SLC16A13: variants seen among roughly 807,000 people sequenced by gnomAD.
The protein encoded by SLC16A13 is solute carrier family 16 member 13.
SLC16A13 carries 28 observed loss-of-function variants against 28.1 expected under a neutral mutation model. The ratio of observed to expected loss-of-function variants is 1.00; its 90% CI spans 0.74 to 1.37. SLC16A13 has a LOEUF of 1.37. SLC16A13 is among the 40% of genes most tolerant of loss of function. The pLI, the probability that SLC16A13 is intolerant of heterozygous loss-of-function variation, is 0.00. For synonymous variants in SLC16A13, 228 were observed against 241.6 expected, an observed-to-expected ratio of 0.94 and a Z score of 0.52; for missense variants, 482 against 531.8, an observed-to-expected ratio of 0.91 and a Z score of 0.92.
chr17:7,040,023 G>A lies in SLC16A13; in HGVS notation c.*61G>A, dbSNP rs1008779928. ...ACAGCTCCAGGTCTTCTCTTGCCAC[G>A]TCTTGGTCTCCACAGAACCACAGTG... is the stretch of plus-strand genomic sequence containing the variant. On this transcript the variant is annotated 3_prime_UTR_variant, in exon 4 of 4. Coordinates refer to ENST00000308027, the MANE Select transcript of SLC16A13 (RefSeq NM_201566.3). The A allele has an allele frequency of 4.2e-5, 62 of 1,491,320 alleles. No homozygotes were observed. Among genetic ancestry groups the A allele is most frequent in the Middle Eastern group, 4.2e-4 (2 of 4,790 alleles). The allele number at this position is 1,491,320 out of a possible 1,614,324, so 92.4% of individuals were successfully genotyped here.
Position 7,036,386 on chromosome 17 carries a change from G to A in SLC16A13, c.4G>A (p.Ala2Thr). The A allele has an allele frequency of 6.2e-7, 1 of 1,605,002 alleles. No individual in the cohort carries two copies. The highest frequency in any genetic ancestry group is 8.5e-7 in the Non-Finnish European group (1 of 1,176,020). M[A>T]RRTEPPDGGW... ...CAGCAGCCCTGTTACCGCTTAGATGGCGCGCAGGACAGAGCCCCCCGACGG... is the reference window on the plus strand; with the variant it reads ...CAGCAGCCCTGTTACCGCTTAGATGACGCGCAGGACAGAGCCCCCCGACGG... Residue 2 changes from alanine (A) to threonine (T), a missense_variant, in exon 1 of 4, where the codon GCG becomes ACG. Coordinates refer to ENST00000308027, the MANE Select transcript of SLC16A13 (RefSeq NM_201566.3).
chr17:7,039,659 C>A lies in SLC16A13; in HGVS notation c.1082-104C>A. The A allele has an allele frequency of 1.7e-6, 2 of 1,210,292 alleles. No individual in the cohort carries two copies. The highest frequency in any genetic ancestry group is 1.4e-5 in the South Asian group (1 of 72,242). The allele number at this position is 1,210,292 out of a possible 1,614,324, so 75.0% of individuals were successfully genotyped here. A position where few individuals can be genotyped will look rare whatever the true frequency, so the allele number is the denominator to read the frequency against. On this transcript the variant is annotated intron_variant, in intron 3 of 3. Coordinates refer to ENST00000308027, the MANE Select transcript of SLC16A13 (RefSeq NM_201566.3). This position sits in a 1 kb window ranked among gnomAD's most constrained non-coding sequence, Gnocchi z 4.3. ...TCCAACTATTCCATGGGAGTTCCAA[C>A]TCCTCTGAGATGATAAGTCTTCCCT...
rs1910636863 is a variant in SLC16A13, at chr17:7,038,347, TC to T, written c.541del (p.His181ThrfsTer2). The T allele has an allele frequency of 6.2e-7, 1 of 1,613,914 alleles. No individual in the cohort carries two copies. Among genetic ancestry groups the T allele is most frequent in the African/African-American group, 1.3e-5 (1 of 74,904 alleles). On this transcript the variant is annotated frameshift_variant, in exon 3 of 4. Coordinates refer to ENST00000308027, the MANE Select transcript of SLC16A13 (RefSeq NM_201566.3). LOFTEE classifies it high-confidence loss of function. The surrounding 1 kb of genome is among the most constrained non-coding windows in gnomAD (Gnocchi z 5.7). ...CTGCTGCTGGTGTCTGCCCTCTCCC[TC>T]CACCTAGTGGCCTGTGGTGCTCTCC... ...GSLLLVSALSLHLVACGALLR... is the reference protein window; with the variant it reads ...GSLLLVSALSXHLVACGALLR...
At position 7,036,878 on chromosome 17, in the gene SLC16A13, C is replaced by G; in HGVS notation, c.343+8C>G. 1 of 1,611,034 alleles carries G rather than the reference C, an allele frequency of 6.2e-7. No individual in the cohort carries two copies. Among genetic ancestry groups the G allele is most frequent in the Non-Finnish European group, 8.5e-7 (1 of 1,179,830 alleles). ...GTATTGGGTTGCTGTCAGGTGAGAG[C>G]CTGCACAAGGGCAGGAGAGTCAAAT... On this transcript the variant is annotated splice_region_variant and intron_variant, in intron 2 of 3. Transcript: ENST00000308027.
intron 2 of SLC16A13, among the ~76,000 whole-genome samples, chr17:7,037,683 A>C (rs1014461360): frequency 2.6e-5 from 4 of 151,086 alleles, no homozygotes; most frequent in Non-Finnish European, 4.4e-5. Flanking sequence ...CCGAGATTGC[A>C]CCACTGCACT....
In SLC16A13 at chr17:7,036,076, G is replaced by A. The variant is rs372423482; in HGVS notation, c.-307G>A. 9.4e-5 allele frequency: 28 copies of A among 298,910 alleles called. No homozygotes were observed. The highest frequency in any genetic ancestry group is 6.0e-4 in the African/African-American group (28 of 46,614). 18.5% of individuals were successfully genotyped at this position (298,910 alleles called of 1,614,324 possible). On this transcript the variant is annotated 5_prime_UTR_variant, in exon 1 of 4. Coordinates refer to ENST00000308027, the MANE Select transcript of SLC16A13 (RefSeq NM_201566.3). ...ACTCAGTTCCACCCTCTGGCTCCCA[G>A]CCGAACACCGAACCGGGACCGATCC...
Position 7,036,487 on chromosome 17 carries a change from G to A in SLC16A13, c.105G>A (p.Gly35=). Reference sequence around the variant, plus strand: ...TGTTTGGGGTGCTCCGCTCCTTTGGGGTCTTCTTCGTGGAGTTTGTGGCGG... The same window carrying A: ...TGTTTGGGGTGCTCCGCTCCTTTGGAGTCTTCTTCGTGGAGTTTGTGGCGG... ...ALVFGVLRSF[G]VFFVEFVAAF... Residue 35 remains glycine (G), a synonymous_variant, in exon 1 of 4, where the codon GGG becomes GGA. Coordinates refer to ENST00000308027, the MANE Select transcript of SLC16A13 (RefSeq NM_201566.3). 6.2e-7 allele frequency: 1 copy of A among 1,612,480 alleles called. No individual in the cohort carries two copies. The highest frequency in any genetic ancestry group is 8.5e-7 in the Non-Finnish European group (1 of 1,180,036).
In SLC16A13 at chr17:7,038,086, T is replaced by C; in HGVS notation, c.344-66T>C. 1.3e-6 allele frequency: 2 copies of C among 1,531,874 alleles called. No homozygotes were observed. Among genetic ancestry groups the C allele is most frequent in the Non-Finnish European group, 1.8e-6 (2 of 1,138,812 alleles). 94.9% of individuals were successfully genotyped at this position (1,531,874 alleles called of 1,614,324 possible). ...AGTGCTACATTCTGCTGCTGGGCAA[T>C]GCGGGGATTACTGTGTGCCTTGAGC... On this transcript the variant is annotated intron_variant, in intron 2 of 3. Transcript: ENST00000308027. The surrounding 1 kb of genome is among the most constrained non-coding windows in gnomAD (Gnocchi z 5.7).
Position 7,038,217 on chromosome 17 carries a change from C to T in SLC16A13, c.409C>T (p.Arg137Ter), listed in dbSNP as rs1189048527. ...ACLSCYFSRR[R>*]SLATGLALTG... ...CCTGTCCTGTTATTTCTCTCGCCGACGATCCCTGGCCACCGGGCTGGCACT... is the reference window on the plus strand; with the variant it reads ...CCTGTCCTGTTATTTCTCTCGCCGATGATCCCTGGCCACCGGGCTGGCACT... Residue 137 changes from arginine (R) to a stop codon, truncating the protein, a stop_gained, in exon 3 of 4, where the codon CGA becomes TGA. Transcript: ENST00000308027. LOFTEE classifies it high-confidence loss of function. The surrounding 1 kb of genome is among the most constrained non-coding windows in gnomAD (Gnocchi z 5.7). 4 of 1,614,032 alleles carry T rather than the reference C, an allele frequency of 2.5e-6. No individual in the cohort carries two copies. The highest frequency in any genetic ancestry group is 1.7e-5 in the Admixed American group (1 of 60,010).
chr17:7,038,655 C>T lies in SLC16A13; in HGVS notation c.847C>T (p.Leu283Phe), dbSNP rs758586080. 8 of 1,614,220 alleles carry T rather than the reference C, an allele frequency of 5.0e-6. No individual in the cohort carries two copies. The highest frequency in any genetic ancestry group is 1.7e-5 in the Admixed American group (1 of 60,026). ...TGCAGTCCCAGGGCCTGTGACACGA[C>T]TCCTGATGCTCTGGACCACCTTGAC... The part of the protein sequence containing the change: ...GDAVPGPVTR[L>F]LMLWTTLTGV... The change falls in exon 3 of 4, where the codon CTC (leucine) becomes TTC (phenylalanine). Residue 283 changes from leucine (L) to phenylalanine (F), a missense_variant. Coordinates refer to ENST00000308027, the MANE Select transcript of SLC16A13 (RefSeq NM_201566.3). The surrounding 1 kb of genome is among the most constrained non-coding windows in gnomAD (Gnocchi z 5.7).
chr17:7,039,472 A>G lies in SLC16A13; in HGVS notation c.1082-291A>G, dbSNP rs1163422717. On this transcript the variant is annotated intron_variant, in intron 3 of 3. Coordinates refer to ENST00000308027, the MANE Select transcript of SLC16A13 (RefSeq NM_201566.3). The surrounding 1 kb of genome is among the most constrained non-coding windows in gnomAD (Gnocchi z 4.3). ...GAGACTCCGTCTCAAAAAAAAAAAA[A>G]AAAGAAAGGCCACAGTTGCCAGAAA... Among the ~76,000 whole-genome samples the G allele has an allele frequency of 6.6e-6, 1 of 152,096 alleles. No homozygotes were observed. The highest frequency in any genetic ancestry group is 1.5e-5 in the Non-Finnish European group (1 of 68,026).
chr17:7,038,919 G>A lies in SLC16A13; in HGVS notation c.1081+30G>A, dbSNP rs1286961135. 2 of 1,573,690 alleles carry A rather than the reference G, an allele frequency of 1.3e-6. No individual in the cohort carries two copies. The highest frequency in any genetic ancestry group is 1.7e-6 in the Non-Finnish European group (2 of 1,161,892). ...GTGGAATGGGGTTCCCAGGGGGTGA[G>A]GGCTGCCATGTTGCACAACTAGGGG... On this transcript the variant is annotated intron_variant, in intron 3 of 3. Coordinates refer to ENST00000308027, the MANE Select transcript of SLC16A13 (RefSeq NM_201566.3). The surrounding 1 kb of genome is among the most constrained non-coding windows in gnomAD (Gnocchi z 5.7).
chr17:7,039,688 C>T lies in SLC16A13; in HGVS notation c.1082-75C>T. On this transcript the variant is annotated intron_variant, in intron 3 of 3. Coordinates refer to ENST00000308027, the MANE Select transcript of SLC16A13 (RefSeq NM_201566.3). This position sits in a 1 kb window ranked among gnomAD's most constrained non-coding sequence, Gnocchi z 4.3. ...TCTGAGATGATAAGTCTTCCCTCCA[C>T]CCAAAAATGTATCTGAGCCCTCAGC... 1 of 1,505,464 alleles carries T rather than the reference C, an allele frequency of 6.6e-7. No homozygotes were observed. Among genetic ancestry groups the T allele is most frequent in the Middle Eastern group, 1.8e-4 (1 of 5,430 alleles). 93.3% of individuals were successfully genotyped at this position (1,505,464 alleles called of 1,614,324 possible). A position where few individuals can be genotyped will look rare whatever the true frequency, so the allele number is the denominator to read the frequency against.
chr17:7,038,234 G>C lies in SLC16A13; in HGVS notation c.426G>C (p.Gly142=), dbSNP rs1040081320. 3 of 1,614,118 alleles carry C rather than the reference G, an allele frequency of 1.9e-6. No individual in the cohort carries two copies. Among genetic ancestry groups the C allele is most frequent in the Admixed American group, 3.3e-5 (2 of 60,020 alleles). Residue 142 remains glycine, a synonymous_variant, in exon 3 of 4, where the codon GGG becomes GGC. Coordinates refer to ENST00000308027, the MANE Select transcript of SLC16A13 (RefSeq NM_201566.3). This position sits in a 1 kb window ranked among gnomAD's most constrained non-coding sequence, Gnocchi z 5.7. ...YFSRRRSLAT[G]LALTGVGLSS... ...CTCGCCGACGATCCCTGGCCACCGGGCTGGCACTGACAGGCGTGGGCCTCT... is the reference window on the plus strand; with the variant it reads ...CTCGCCGACGATCCCTGGCCACCGGCCTGGCACTGACAGGCGTGGGCCTCT...
chr17:7,038,948 G>A lies in SLC16A13; in HGVS notation c.1081+59G>A. Reference sequence around the variant, plus strand: ...TGCCATGTTGCACAACTAGGGGAGGGTACTATTCTCATTACAGTGTATGTG... The same window carrying A: ...TGCCATGTTGCACAACTAGGGGAGGATACTATTCTCATTACAGTGTATGTG... On this transcript the variant is annotated intron_variant, in intron 3 of 3. Coordinates refer to ENST00000308027, the MANE Select transcript of SLC16A13 (RefSeq NM_201566.3). The surrounding 1 kb of genome is among the most constrained non-coding windows in gnomAD (Gnocchi z 5.7). The A allele has an allele frequency of 6.5e-7, 1 of 1,543,494 alleles. No individual in the cohort carries two copies. Among genetic ancestry groups the A allele is most frequent in the African/African-American group, 1.4e-5 (1 of 73,038 alleles).
At position 7,036,156 on chromosome 17, in the gene SLC16A13, ACT is replaced by A. The variant is rs1235115657; in HGVS notation, c.-224_-223del. The A allele has an allele frequency of 2.0e-6, 1 of 489,148 alleles. No homozygotes were observed. Among genetic ancestry groups the A allele is most frequent in the East Asian group, 3.2e-5 (1 of 31,124 alleles). The allele number at this position is 489,148 out of a possible 1,614,324, so 30.3% of individuals were successfully genotyped here. A position where few individuals can be genotyped will look rare whatever the true frequency, so the allele number is the denominator to read the frequency against. The stretch of plus-strand genomic sequence containing the variant: ...GCTCGCGGAACCACGCCCCCGGGAG[ACT>A]CTGGCCCGGCCAGCGCGGGCCAGGT... On this transcript the variant is annotated 5_prime_UTR_variant, in exon 1 of 4. Coordinates refer to ENST00000308027, the MANE Select transcript of SLC16A13 (RefSeq NM_201566.3).
rs753915608 is a variant in SLC16A13 at position 7,036,806 on chromosome 17, G to C, written c.279G>C (p.Gly93=). The change falls in exon 2 of 4, where the codon GGG becomes GGC. Residue 93 remains glycine, a synonymous_variant. Coordinates refer to ENST00000308027, the MANE Select transcript of SLC16A13 (RefSeq NM_201566.3). The part of the protein sequence containing the change: ...VMTGGILAAL[G]MLLASFATSL... ...CTGGAGGCATCTTGGCTGCGCTGGG[G>C]ATGCTGCTCGCCTCTTTTGCTACTT... is the stretch of plus-strand genomic sequence containing the variant. 2.5e-6 allele frequency: 4 copies of C among 1,613,954 alleles called. No homozygotes were observed. The highest frequency in any genetic ancestry group is 3.4e-6 in the Non-Finnish European group (4 of 1,180,052).
chr17:7,037,127 G>A, intron 2 of SLC16A13: 1 of 316,892 alleles, frequency 3.2e-6, no homozygotes, highest in South Asian at 3.5e-5. Context: ...CGAGGCGGGT[G>A]GATCACGAGG....
Position 7,040,004 on chromosome 17 carries a change from C to G in SLC16A13, c.*42C>G. On this transcript the variant is annotated 3_prime_UTR_variant, in exon 4 of 4. Coordinates refer to ENST00000308027, the MANE Select transcript of SLC16A13 (RefSeq NM_201566.3). The stretch of plus-strand genomic sequence containing the variant: ...CCCAGAAAGCCAAAGCTTGACAGCT[C>G]CAGGTCTTCTCTTGCCACGTCTTGG... 1 of 1,571,018 alleles carries G rather than the reference C, an allele frequency of 6.4e-7. No homozygotes were observed. Among genetic ancestry groups the G allele is most frequent in the Non-Finnish European group, 8.7e-7 (1 of 1,148,728 alleles).
Sources: gnomAD v4.1 joint callset for allele counts (sites outside exome capture counted in the v4.1 genomes callset) on GRCh38, gnomAD v4.1.1 for gene constraint, Gnocchi (gnomAD v3.1) non-coding constraint, MANE v1.5 for transcripts, NCBI Gene and HGNC (gene_info 2026-07-23, HGNC 2026-07-21) for gene names.